Variants in PDGFRB observed in about 807,000 individuals in gnomAD.
PDGFRB encodes platelet derived growth factor receptor beta.
PDGFRB carries 42 observed loss-of-function variants against 120.2 expected under a neutral mutation model. The observed-to-expected ratio is 0.35, with a 90% CI of 0.27 to 0.45. PDGFRB has a LOEUF of 0.45. Among genes scored for constraint, PDGFRB ranks in the 20% least tolerant of loss-of-function variants. The probability of loss-of-function intolerance (pLI) is 1.00; values close to 1 mark genes in which losing one functional copy is unlikely to be tolerated. For synonymous variants in PDGFRB, 586 were observed against 606.8 expected (o/e 0.97, Z 0.50); for missense variants, 1,149 against 1,476.3 (o/e 0.78, Z 3.63).
rs1760129748 is a variant in PDGFRB, at chr5:150,121,387, C to T, written c.2345-65G>A. 10 of 815,090 alleles carry T rather than the reference C, an allele frequency of 1.2e-5. No homozygotes were observed. The South Asian group carries it at 1.3e-4, about 11-fold the overall frequency. 50.5% of individuals were successfully genotyped at this position (815,090 alleles called of 1,614,324 possible). A position where few individuals can be genotyped will look rare whatever the true frequency, so the allele number is the denominator to read the frequency against. ...CCTTCTGGCCCACAGGACCCCTGCCCTTTGGCTCCTGGGAGACTGAATGTC... is the reference window on the plus strand; with the variant it reads ...CCTTCTGGCCCACAGGACCCCTGCCTTTTGGCTCCTGGGAGACTGAATGTC... On this transcript the variant is annotated intron_variant, in intron 16 of 22. Transcript: ENST00000261799. The surrounding 1 kb of genome is among the most constrained non-coding windows in gnomAD (Gnocchi z 4.1).
chr5:150,122,343 C>T (rs1009692855), intron 15 of PDGFRB: 6 of 329,090 alleles, frequency 1.8e-5, no homozygotes, highest in Non-Finnish European at 2.3e-5. Flanking sequence ...GCCTCCCCAG[C>T]GCCACCTGGC....
At chr5:150,140,371 T>C (rs1342022899) in intron 1 of PDGFRB, among the ~76,000 whole-genome samples, 3 of 151,856 alleles carry the variant, frequency 2.0e-5, no homozygotes, top group African/African-American at 7.3e-5. Context: ...GAGCAGGCAC[T>C]CCCCCTATCT....
Position 150,114,182 on chromosome 5 carries a change from C to T in PDGFRB, c.*1581G>A, listed in dbSNP as rs950858247. ...CTGACTCCCCTGGCACCTCCAATGCCCACTGGGCTGGGGACAATGAGATGT... is the reference window on the plus strand; with the variant it reads ...CTGACTCCCCTGGCACCTCCAATGCTCACTGGGCTGGGGACAATGAGATGT... On this transcript the variant is annotated 3_prime_UTR_variant, in exon 23 of 23. Transcript: ENST00000261799. The T allele has an allele frequency of 8.6e-6, 2 of 233,216 alleles. No homozygotes were observed. The highest frequency in any genetic ancestry group is 4.4e-5 in the African/African-American group (2 of 45,346). The allele number at this position is 233,216 out of a possible 1,614,324, so 14.4% of individuals were successfully genotyped here. A position where few individuals can be genotyped will look rare whatever the true frequency, so the allele number is the denominator to read the frequency against.
At chr5:150,144,596 C>T (rs1246251682) in intron 1 of PDGFRB, among the ~76,000 whole-genome samples, 1 of 152,262 alleles carries the variant, frequency 6.6e-6, no homozygotes, top group African/African-American at 2.4e-5. Flanking sequence ...CAGCAAACAC[C>T]CCCTCACCCG....
intron 1 of PDGFRB, among the ~76,000 whole-genome samples, chr5:150,146,120 C>T (rs1432110996): frequency 1.3e-5 from 2 of 152,286 alleles, no homozygotes; most frequent in East Asian, 1.9e-4. Context: ...CACCACCTCA[C>T]CTGTGGCCCA....
chr5:150,120,085 G>T lies in PDGFRB; in HGVS notation c.2625C>A (p.Ile875=). 1 of 1,604,730 alleles carries T rather than the reference G, an allele frequency of 6.2e-7. No homozygotes were observed. Among genetic ancestry groups the T allele is most frequent in the Non-Finnish European group, 8.5e-7 (1 of 1,171,398 alleles). The change falls in exon 19 of 23, where the codon ATC becomes ATA. Residue 875 remains isoleucine (I), a synonymous_variant. Coordinates refer to ENST00000261799, the MANE Select transcript of PDGFRB (RefSeq NM_002609.4). The surrounding 1 kb of genome is among the most constrained non-coding windows in gnomAD (Gnocchi z 4.3). ...TCAGGGTGGTGTAGAGGCTGTTGAA[G>T]ATGCTCTCCGGAGCCATCCACTTTA... ...LPLKWMAPES[I]FNSLYTTLSD...
chr5:150,137,896 A>G (rs1228718754), intron 1 of PDGFRB, among the ~76,000 whole-genome samples: 1 of 152,238 alleles, frequency 6.6e-6, no homozygotes, highest in Non-Finnish European at 1.5e-5. Flanking sequence ...AGAGACAAAG[A>G]CACAGAGACA....
In PDGFRB at chr5:150,134,627, C is replaced by T. The variant is rs568231826; in HGVS notation, c.631+123G>A. ...ACATGGGGAAAACACTATCTTCCTT[C>T]GAAGGCTGTGGTGAGAATCCACTGG... On this transcript the variant is annotated intron_variant, in intron 4 of 22. Transcript: ENST00000261799. The T allele has an allele frequency of 2.8e-5, 25 of 886,328 alleles. 1 individual carries two copies. Among genetic ancestry groups the T allele is most frequent in the Middle Eastern group, 2.7e-4 (1 of 3,712 alleles). The allele number at this position is 886,328 out of a possible 1,614,324, so 54.9% of individuals were successfully genotyped here. A position where few individuals can be genotyped will look rare whatever the true frequency, so the allele number is the denominator to read the frequency against.
At chr5:150,141,207 AG>A (rs370128668) in intron 1 of PDGFRB, among the ~76,000 whole-genome samples, 44 of 152,378 alleles carry the variant, frequency 2.9e-4, no homozygotes, top group African/African-American at 1.0e-3. Flanking sequence ...CACTGTGCCC[AG>A]CACCCGTGGA....
Position 150,124,733 on chromosome 5 carries a change from G to A in PDGFRB, c.1906C>T (p.Leu636Phe). 1 of 1,510,336 alleles carries A rather than the reference G, an allele frequency of 6.6e-7. No homozygotes were observed. The highest frequency in any genetic ancestry group is 1.1e-5 in the South Asian group (1 of 88,094). The allele number at this position is 1,510,336 out of a possible 1,614,324, so 93.6% of individuals were successfully genotyped here. Residue 636 changes from leucine to phenylalanine, a missense_variant, in exon 13 of 23, where the codon CTT (leucine) becomes TTT (phenylalanine). Around this residue, in one of 3 missense-constraint regions of PDGFRB, gnomAD observed 879 missense variants for 1,108.6 expected, o/e 0.79. Transcript: ENST00000261799. ...GGCTCCAAGGACTACTCACATTTAA[G>A]CATCTTGACGGCCACTTTCATCGTG... ...QATMKVAVKMLKSTARSSEKQ... is the reference protein window; with the variant it reads ...QATMKVAVKMFKSTARSSEKQ...
At chr5:150,123,018 A>T (rs1240753392) in intron 15 of PDGFRB, 24 bp downstream of exon 15, 3 of 1,604,840 alleles carry the variant, frequency 1.9e-6, no homozygotes, top group Non-Finnish European at 2.6e-6. Context: ...CCAAAGATTC[A>T]GTCCCTGGCC....
chr5:150,135,675 A>C lies in PDGFRB; in HGVS notation c.244T>G (p.Ser82Ala). The C allele has an allele frequency of 6.2e-7, 1 of 1,613,998 alleles. No homozygotes were observed. Among genetic ancestry groups the C allele is most frequent in the Non-Finnish European group, 8.5e-7 (1 of 1,179,862 alleles). Residue 82 changes from serine (S) to alanine (A), a missense_variant, in exon 3 of 23, where the codon TCC becomes GCC. By Grantham distance (99) the Ser-to-Ala change is moderately conservative. Transcript: ENST00000261799. ...EMAKAQDGTF[S>A]SVLTLTNLTG... is the part of the protein sequence containing the mutation. ...AGGTTGGTCAGTGTGAGCACGCTGGAGAAGGTGCCATCCTGGGCCTTGGCC... is the reference window on the plus strand; with the variant it reads ...AGGTTGGTCAGTGTGAGCACGCTGGCGAAGGTGCCATCCTGGGCCTTGGCC...
intron 1 of PDGFRB, among the ~76,000 whole-genome samples, chr5:150,146,803 C>T (rs1256072304): frequency 6.6e-6 from 1 of 152,222 alleles, no homozygotes; most frequent in Admixed American, 6.5e-5. Context: ...CACAGAGAAA[C>T]GTTCTCCCTC....
chr5:150,135,055 G>A, intron 3 of PDGFRB, 39 bp from the exon 4 acceptor site: 1 of 1,108,116 alleles, frequency 9.0e-7, no homozygotes, highest in Non-Finnish European at 1.3e-6. Context: ...AGGGGAACTG[G>A]GTTTCTGGCC....
At chr5:150,130,082 C>CTG (rs1425369207) in intron 9 of PDGFRB, 114 bp from the exon 10 acceptor site, 1 of 836,680 alleles carries the variant, frequency 1.2e-6, no homozygotes, top group Non-Finnish European at 2.0e-6. Context: ...GTCCCACTGC[C>CTG]TGTTTCCGAG....
Position 150,115,897 on chromosome 5 carries a change from G to T in PDGFRB, c.3187C>A (p.Pro1063Thr), listed in dbSNP as rs775520030. The T allele has an allele frequency of 1.9e-6, 3 of 1,603,782 alleles. No homozygotes were observed. The highest frequency in any genetic ancestry group is 2.2e-5 in the East Asian group (1 of 44,610). ...NTSSTISCDS[P>T]LEPQDEPEPE... ...TCTGGTTCGTCCTGGGGCTCCAGGG[G>T]GCTGTCACAGGAGATGGTTGAGGAG... The change falls in exon 23 of 23, where the codon CCC becomes ACC. Residue 1063 changes from proline (P) to threonine (T), a missense_variant. Around this residue, in one of 3 missense-constraint regions of PDGFRB, gnomAD observed 202 missense variants for 214.3 expected, o/e 0.94. Transcript: ENST00000261799.
At chr5:150,144,896 C>G (rs533205642) in intron 1 of PDGFRB, among the ~76,000 whole-genome samples, 1 of 152,244 alleles carries the variant, frequency 6.6e-6, no homozygotes, top group Admixed American at 6.5e-5. Context: ...CCACCCACCC[C>G]GGCCCCATCT....
At chr5:150,151,554 C>T (rs1287560801) in intron 1 of PDGFRB, among the ~76,000 whole-genome samples, 1 of 152,208 alleles carries the variant, frequency 6.6e-6, no homozygotes, top group African/African-American at 2.4e-5. Flanking sequence ...CGCACTTTCT[C>T]ACCTGTAAAA....
At chr5:150,153,483 T>A (rs543112470) in intron 1 of PDGFRB, 1 of 152,252 alleles carries the variant, frequency 6.6e-6, no homozygotes, top group South Asian at 2.1e-4. Flanking sequence ...AACACCACCT[T>A]AACTCACCGT....
Sources: allele counts gnomAD v4.1 joint callset (sites outside exome capture counted in the v4.1 genomes callset), GRCh38; gene constraint gnomAD v4.1.1; regional missense constraint gnomAD v4.1.1; non-coding constraint Gnocchi (gnomAD v3.1); transcripts MANE v1.5; gene names NCBI Gene and HGNC (gene_info 2026-07-23, HGNC 2026-07-21).